Variants in INPP5F observed in about 807,000 individuals in gnomAD.
The protein encoded by INPP5F is inositol polyphosphate-5-phosphatase F, also known as phosphatidylinositide 4-phosphatase SAC2.
In INPP5F, 97 loss-of-function variants were observed where a neutral mutation model predicts 137.2. The ratio of observed to expected loss-of-function variants is 0.71; its 90% CI spans 0.60 to 0.84. The LOEUF (loss-of-function observed/expected upper bound fraction) is 0.84. Ranked by LOEUF, INPP5F falls within the 40% of genes least tolerant of loss-of-function variation. The probability of loss-of-function intolerance (pLI) is 0.00; values close to 1 mark genes in which losing one functional copy is unlikely to be tolerated. For synonymous variants in INPP5F, 504 were observed against 476.9 expected, an observed-to-expected ratio of 1.06 and a Z score of -0.74; for missense variants, 1,271 against 1,371.9, an observed-to-expected ratio of 0.93 and a Z score of 1.16.
intron 2 of INPP5F, among the ~76,000 whole-genome samples, chr10:119,772,334 C>T (rs1589698540): frequency 1.3e-5 from 2 of 152,164 alleles, no homozygotes; most frequent in African/African-American, 2.4e-5. Context: ...TGGGGATTTA[C>T]AGCAAAAGAG....
At chr10:119,785,284 C>CTTTTTTTTTTTTTT (rs1440327192) in intron 3 of INPP5F, among the ~76,000 whole-genome samples, 14 of 81,604 alleles carry the variant, frequency 1.7e-4, no homozygotes, top group South Asian at 1.5e-3. Flanking sequence ...AACTGCCAGA[C>CTTTTTTTTTTTTTT]TGTTTTTTTT....
At chr10:119,797,202 C>T (rs1051956656) in intron 7 of INPP5F, among the ~76,000 whole-genome samples, 10 of 152,164 alleles carry the variant, frequency 6.6e-5, no homozygotes, top group African/African-American at 1.9e-4. Context: ...CCTGTATCAC[C>T]GTGATAAATC....
chr10:119,794,861 C>T (rs1850290426), intron 6 of INPP5F, among the ~76,000 whole-genome samples: 1 of 120,224 alleles, frequency 8.3e-6, no homozygotes, highest in Non-Finnish European at 1.9e-5. Flanking sequence ...ACCCCCTCCC[C>T]ACCTCCCTCC....
chr10:119,794,019 GT>G (rs1850238467), intron 6 of INPP5F, among the ~76,000 whole-genome samples: 1 of 152,126 alleles, frequency 6.6e-6, no homozygotes, highest in South Asian at 2.1e-4. Flanking sequence ...TATTTTTTAT[GT>G]TTGCATTTTC....
chr10:119,795,825 T>C (rs36060849), intron 6 of INPP5F, among the ~76,000 whole-genome samples: 7,404 of 152,212 alleles, frequency 0.049, 322 homozygotes, highest in South Asian at 0.26. Context: ...TCTGCAATCC[T>C]GGCACCTCGG....
intron 1 of INPP5F, among the ~76,000 whole-genome samples, chr10:119,728,769 C>G (rs915981965): frequency 6.6e-6 from 1 of 152,212 alleles, no homozygotes; most frequent in Non-Finnish European, 1.5e-5. Context: ...CTACCTAGTC[C>G]ATTCCATAAG....
chr10:119,767,105 C>CAAAAAAAAA (rs1411736441), intron 2 of INPP5F, among the ~76,000 whole-genome samples: 2 of 14,926 alleles, frequency 1.3e-4, no homozygotes, highest in Non-Finnish European at 1.3e-4. Flanking sequence ...ACTCTGTCTC[C>CAAAAAAAAA]AGAAAAAAAA....
In INPP5F at chr10:119,791,862, C is replaced by A; in HGVS notation, c.445-7C>A. 1 of 1,579,388 alleles carries A rather than the reference C, an allele frequency of 6.3e-7. No individual in the cohort carries two copies. Among genetic ancestry groups the A allele is most frequent in the Non-Finnish European group, 8.6e-7 (1 of 1,160,288 alleles). On this transcript the variant is annotated splice_polypyrimidine_tract_variant and splice_region_variant and intron_variant, in intron 4 of 19. Transcript: ENST00000650623. Reference sequence around the variant, plus strand: ...TTCTGTAGTAATAGTAGATTAATTTCTTATAGGTTAAGGAAAGTAAAGAGA... The same window carrying A: ...TTCTGTAGTAATAGTAGATTAATTTATTATAGGTTAAGGAAAGTAAAGAGA...
chr10:119,761,829 A>T (rs1241554229), intron 2 of INPP5F, among the ~76,000 whole-genome samples: 2 of 152,214 alleles, frequency 1.3e-5, no homozygotes, highest in Non-Finnish European at 2.9e-5. Context: ...AAGATTTGTA[A>T]ATAAAATTGG....
At chr10:119,757,805 G>A (rs946622594) in intron 2 of INPP5F, among the ~76,000 whole-genome samples, 1 of 151,960 alleles carries the variant, frequency 6.6e-6, no homozygotes, top group African/African-American at 2.4e-5. Flanking sequence ...AAAAAGAATG[G>A]TAGTCAATTT....
chr10:119,827,830 T>G lies in INPP5F; in HGVS notation c.*50T>G. On this transcript the variant is annotated 3_prime_UTR_variant, in exon 20 of 20. Transcript: ENST00000650623. ...TGGCTTTTATTTAAAAATATGAAAT[T>G]TTCACCTCTTGGGGTATTTTAATTG... 7.8e-7 allele frequency: 1 copy of G among 1,287,238 alleles called. No homozygotes were observed. The highest frequency in any genetic ancestry group is 1.1e-6 in the Non-Finnish European group (1 of 925,760). 79.7% of individuals were successfully genotyped at this position (1,287,238 alleles called of 1,614,324 possible).
chr10:119,764,309 A>G (rs1241612180), intron 2 of INPP5F, among the ~76,000 whole-genome samples: 1 of 152,184 alleles, frequency 6.6e-6, no homozygotes, highest in East Asian at 1.9e-4. Flanking sequence ...CCAATAGTGT[A>G]TACGCGCGCA....
At chr10:119,764,016 G>A (rs1849082400) in intron 2 of INPP5F, among the ~76,000 whole-genome samples, 1 of 152,074 alleles carries the variant, frequency 6.6e-6, no homozygotes, top group Non-Finnish European at 1.5e-5. Flanking sequence ...TGCTCTTCAC[G>A]GTTCATGTTT....
At chr10:119,755,731 G>C (rs1021394718) in intron 2 of INPP5F, among the ~76,000 whole-genome samples, 2 of 152,204 alleles carry the variant, frequency 1.3e-5, no homozygotes, top group African/African-American at 2.4e-5. Flanking sequence ...AATTCTGAAA[G>C]ATCACACAAT....
At position 119,748,341 on chromosome 10, in the gene INPP5F, G is replaced by A. The variant is rs1038664830; in HGVS notation, c.98-2735G>A. Among the ~76,000 whole-genome samples the A allele has an allele frequency of 3.9e-5, 6 of 152,216 alleles. No individual in the cohort carries two copies. The highest frequency in any genetic ancestry group is 9.6e-5 in the African/African-American group (4 of 41,466). ...AGCCCCACTGTCACAGCCCTGGCTCGGAGAGCCCCTAGGTCTGGTGTTCCC... is the reference window on the plus strand; with the variant it reads ...AGCCCCACTGTCACAGCCCTGGCTCAGAGAGCCCCTAGGTCTGGTGTTCCC... On this transcript the variant is annotated intron_variant, in intron 1 of 19. Coordinates refer to ENST00000650623, the MANE Select transcript of INPP5F (RefSeq NM_014937.4). This position sits in a 1 kb window ranked among gnomAD's most constrained non-coding sequence, Gnocchi z 4.7.
In INPP5F at chr10:119,791,692, TTAAA is replaced by T. The variant is rs746322887; in HGVS notation, c.444+50_444+53del. 2.9e-5 allele frequency: 43 copies of T among 1,503,984 alleles called. No homozygotes were observed. In the African/African-American group the frequency reaches 5.9e-4, roughly 21 times the overall value. The allele number at this position is 1,503,984 out of a possible 1,614,324, so 93.2% of individuals were successfully genotyped here. A position where few individuals can be genotyped will look rare whatever the true frequency, so the allele number is the denominator to read the frequency against. On this transcript the variant is annotated intron_variant, in intron 4 of 19. Transcript: ENST00000650623. Reference sequence around the variant, plus strand: ...GCTTTGAATTCACCTTTGATTAGTTTTAAATAGAGAGATAATTCTCCACTCAGAA... The same window carrying T: ...GCTTTGAATTCACCTTTGATTAGTTTTAGAGAGATAATTCTCCACTCAGAA...
chr10:119,741,279 C>G (rs188599720), intron 1 of INPP5F, among the ~76,000 whole-genome samples: 1 of 152,146 alleles, frequency 6.6e-6, no homozygotes, highest in Non-Finnish European at 1.5e-5. Context: ...ACAGATTTGT[C>G]CTGTGTTCTA....
rs574340370 is a variant in INPP5F at position 119,729,115 on chromosome 10, C to CTT, written c.97+2760_97+2761dup. ...AAGATGTTGTATTATGTTTGTTGCT[C>CTT]TTTTTAGGCCTGTTTTTTTGGGGGA... is the stretch of plus-strand genomic sequence containing the variant. On this transcript the variant is annotated intron_variant, in intron 1 of 19. Transcript: ENST00000650623. 2.8e-3 allele frequency among the ~76,000 whole-genome samples: 415 copies of CTT among 150,366 alleles called. 2 individuals are homozygous for CTT. Among genetic ancestry groups the CTT allele is most frequent in the Non-Finnish European group, 4.8e-3 (322 of 67,672 alleles).
Position 119,827,476 on chromosome 10 carries a change from A to G in INPP5F, c.3095A>G (p.His1032Arg), listed in dbSNP as rs964530052. The G allele has an allele frequency of 5.6e-6, 9 of 1,614,082 alleles. No homozygotes were observed. In the African/African-American group the frequency reaches 1.1e-4, roughly 19 times the overall value. Residue 1032 changes from histidine to arginine, a missense_variant, in exon 20 of 20, where the codon CAT becomes CGT. Physicochemically the swap from His to Arg is conservative, Grantham distance 29 (BLOSUM62 0). Coordinates refer to ENST00000650623, the MANE Select transcript of INPP5F (RefSeq NM_014937.4). ...GPQFLSVEPA[H>R]SVASQKTPTS... is the part of the protein sequence containing the mutation. Reference sequence around the variant, plus strand: ...CAGTTTTTGTCAGTTGAGCCAGCGCATTCAGTTGCATCTCAAAAAACCCCC... The same window carrying G: ...CAGTTTTTGTCAGTTGAGCCAGCGCGTTCAGTTGCATCTCAAAAAACCCCC...
Sources: allele counts gnomAD v4.1 joint callset (sites outside exome capture counted in the v4.1 genomes callset), GRCh38; gene constraint gnomAD v4.1.1; non-coding constraint Gnocchi (gnomAD v3.1); transcripts MANE v1.5; gene names NCBI Gene and HGNC (gene_info 2026-07-23, HGNC 2026-07-21).